RAD51B: variants seen among roughly 807,000 people sequenced by gnomAD.
The protein encoded by RAD51B is DNA repair protein RAD51 homolog 2.
Under a neutral mutation model 42.2 loss-of-function variants are expected in RAD51B, and 38 were observed. That is an observed-to-expected ratio of 0.90 (90% CI 0.70 to 1.18). The LOEUF is 1.18. RAD51B is among the 50% of genes most tolerant of loss of function. RAD51B has a pLI of 0.00. For missense variants in RAD51B, 373 were observed against 400.7 expected, an observed-to-expected ratio of 0.93 and a Z score of 0.59; for synonymous variants, 154 against 145.2, an observed-to-expected ratio of 1.06 and a Z score of -0.43.
chr14:67,865,314 G>A (rs948492019), intron 5 of RAD51B, among the ~76,000 whole-genome samples, 175 bp downstream of exon 5: 9 of 150,902 alleles, frequency 6.0e-5, no homozygotes, highest in Middle Eastern at 6.8e-3. Flanking sequence ...TGGGCTCATG[G>A]CAATCTCCAC....
intron 7 of RAD51B, among the ~76,000 whole-genome samples, chr14:68,286,352 T>TA (rs1673424453): frequency 6.6e-6 from 1 of 152,234 alleles, no homozygotes; most frequent in East Asian, 1.9e-4. Context: ...CTTGGGTCCT[T>TA]AAAAAATCTG....
rs151332079 is a variant in RAD51B, at chr14:68,607,348, G to A, written c.1037-3658G>A. Among the ~76,000 whole-genome samples the A allele has an allele frequency of 2.2e-3, 332 of 152,228 alleles. 1 individual carries two copies. The highest frequency in any genetic ancestry group is 7.3e-3 in the African/African-American group (305 of 41,538). ...GTCCCAATCCTGAGAGTATCCTTTCGAAAGAGTAAGTCATGGAAAAATGCG... is the reference window on the plus strand; with the variant it reads ...GTCCCAATCCTGAGAGTATCCTTTCAAAAGAGTAAGTCATGGAAAAATGCG... On this transcript the variant is annotated intron_variant, in intron 10 of 10. Coordinates refer to the RAD51B transcript ENST00000487861.
intron 8 of RAD51B, among the ~76,000 whole-genome samples, chr14:68,323,746 G>C (rs2082198423): frequency 6.6e-6 from 1 of 152,224 alleles, no homozygotes; most frequent in African/African-American, 2.4e-5. Flanking sequence ...AGTGAGCTGA[G>C]ATCGTGCCAC....
At chr14:68,024,363 T>A (rs557177912) in intron 7 of RAD51B, among the ~76,000 whole-genome samples, 2 of 152,332 alleles carry the variant, frequency 1.3e-5, no homozygotes, top group South Asian at 4.1e-4. Flanking sequence ...TTTTTCCTAA[T>A]TCTTTGAAAA....
intron 7 of RAD51B, among the ~76,000 whole-genome samples, chr14:68,055,643 G>A (rs778021899): frequency 1.3e-5 from 2 of 152,146 alleles, no homozygotes; most frequent in Non-Finnish European, 2.9e-5. Flanking sequence ...ATATGTATGA[G>A]CACTCATAGT....
At chr14:68,202,573 CTTTTTTTT>C (rs145298493) in intron 7 of RAD51B, among the ~76,000 whole-genome samples, 2 of 81,614 alleles carry the variant, frequency 2.5e-5, no homozygotes, top group Non-Finnish European at 4.8e-5. Context: ...GAAGCAACGT[CTTTTTTTT>C]TTTTTTTTTT....
At chr14:68,068,171 GT>G (rs201787548) in intron 7 of RAD51B, among the ~76,000 whole-genome samples, 2 of 152,022 alleles carry the variant, frequency 1.3e-5, no homozygotes, top group Non-Finnish European at 2.9e-5. Flanking sequence ...CAATTTAGTG[GT>G]TTTTTAGTAT....
intron 7 of RAD51B, among the ~76,000 whole-genome samples, chr14:67,941,053 A>G (rs890822678): frequency 6.6e-6 from 1 of 152,152 alleles, no homozygotes; most frequent in African/African-American, 2.4e-5. Context: ...ATGAGCTCTT[A>G]GTTTAGTCAC....
chr14:68,558,543 T>C (rs933959290), intron 10 of RAD51B, among the ~76,000 whole-genome samples: 10 of 152,168 alleles, frequency 6.6e-5, no homozygotes, highest in Admixed American at 3.3e-4. Context: ...CTTCTGGTGG[T>C]GGCCGGCACT....
At chr14:68,163,583 C>T (rs1016922892) in intron 7 of RAD51B, among the ~76,000 whole-genome samples, 6 of 152,042 alleles carry the variant, frequency 3.9e-5, no homozygotes, top group Non-Finnish European at 7.4e-5. Flanking sequence ...CCTCTCTTTC[C>T]GCTCCCATAT....
chr14:68,272,651 ATATATATATATATATTTTTTTTTTTT>A (rs1279003543), intron 7 of RAD51B, among the ~76,000 whole-genome samples: 2 of 13,716 alleles, frequency 1.5e-4, no homozygotes, highest in African/African-American at 4.1e-4. Context: ...ATATATATAT[ATATATATATATATATTTTTTTTTTTT>A]TTTTTTTTTT....
At chr14:68,088,624 CAGAGAGAGAG>C (rs145869631) in intron 7 of RAD51B, among the ~76,000 whole-genome samples, 1 of 120,890 alleles carries the variant, frequency 8.3e-6, no homozygotes, top group East Asian at 2.3e-4. Flanking sequence ...GTGTGTGAGA[CAGAGAGAGAG>C]AGAGAGACAG....
chr14:68,289,375 A>C (rs2081473924), intron 7 of RAD51B, among the ~76,000 whole-genome samples: 1 of 152,216 alleles, frequency 6.6e-6, no homozygotes, highest in Non-Finnish European at 1.5e-5. Flanking sequence ...CAAAATTGGA[A>C]TTTGAACCCA....
At chr14:68,246,554 C>T (rs756418180) in intron 7 of RAD51B, among the ~76,000 whole-genome samples, 6 of 152,136 alleles carry the variant, frequency 3.9e-5, no homozygotes, top group Non-Finnish European at 4.4e-5. Flanking sequence ...AATTCTGTAA[C>T]GGAAGTCACC....
At chr14:68,611,317 TC>T in exon 11 of RAD51B, 1 of 692,408 alleles carries the variant, frequency 1.4e-6, no homozygotes. Flanking sequence ...AATTCTACTT[TC>T]TGAACCTCCA....
At chr14:68,120,493 G>A (rs180977365) in intron 7 of RAD51B, among the ~76,000 whole-genome samples, 2 of 152,176 alleles carry the variant, frequency 1.3e-5, no homozygotes, top group East Asian at 3.8e-4. Flanking sequence ...TGCCTGGAAA[G>A]GTGCCTAACA....
chr14:68,607,717 C>T lies in RAD51B; in HGVS notation c.1037-3289C>T, dbSNP rs562996500. ...CTTCCTCTTCTGCTGTGGACAGATA[C>T]CATGGGGCACCAGGAAAGGACGGGG... On this transcript the variant is annotated intron_variant, in intron 10 of 10. Coordinates refer to the RAD51B transcript ENST00000487861. Among the ~76,000 whole-genome samples the T allele has an allele frequency of 3.9e-5, 6 of 152,316 alleles. No individual in the cohort carries two copies. The East Asian group carries it at 1.2e-3, about 29-fold the overall frequency.
At chr14:68,568,449 A>G (rs995024787) in intron 10 of RAD51B, among the ~76,000 whole-genome samples, 6 of 152,230 alleles carry the variant, frequency 3.9e-5, no homozygotes, top group African/African-American at 9.6e-5. Flanking sequence ...TCCCCAAGCA[A>G]ACCTGTACCA....
chr14:67,972,860 C>T lies in RAD51B; in HGVS notation c.756+85656C>T, dbSNP rs1486430599. 2.6e-5 allele frequency among the ~76,000 whole-genome samples: 4 copies of T among 152,186 alleles called. No homozygotes were observed. In the East Asian group the frequency reaches 5.8e-4, roughly 22 times the overall value. On this transcript the variant is annotated intron_variant, in intron 7 of 10. Coordinates refer to ENST00000471583, the MANE Select transcript of RAD51B (RefSeq NM_133510.4). ...CTCAAATTTTGCTTGAAACCCATGACATCTAATGGAAAGGGCATGGTGAGA... is the reference window on the plus strand; with the variant it reads ...CTCAAATTTTGCTTGAAACCCATGATATCTAATGGAAAGGGCATGGTGAGA...
Sources: gnomAD v4.1 joint callset for allele counts (sites outside exome capture counted in the v4.1 genomes callset) on GRCh38, gnomAD v4.1.1 for gene constraint, MANE v1.5 for transcripts, NCBI Gene and HGNC (gene_info 2026-07-23, HGNC 2026-07-21) for gene names.